TMEM117: variants seen among roughly 807,000 people sequenced by gnomAD.
The protein encoded by TMEM117 is transmembrane protein 117.
In TMEM117, 27 loss-of-function variants were observed where a neutral mutation model predicts 52.4. The ratio of observed to expected loss-of-function variants is 0.51; its 90% CI spans 0.38 to 0.71. The LOEUF is 0.71. Among genes scored for constraint, TMEM117 ranks in the 30% least tolerant of loss-of-function variants. The probability of loss-of-function intolerance (pLI) is 0.00; values close to 1 mark genes in which losing one functional copy is unlikely to be tolerated. For missense variants in TMEM117, 556 were observed against 630.5 expected (o/e 0.88, Z 1.26); for synonymous variants, 215 against 206.3 (o/e 1.04, Z -0.36).
intron 3 of TMEM117, among the ~76,000 whole-genome samples, chr12:44,078,576 A>G (rs190542181): frequency 4.6e-5 from 7 of 152,282 alleles, no homozygotes; most frequent in Admixed American, 3.3e-4. Context: ...CTTTCAGTAT[A>G]TTCTGTTTTT....
chr12:44,096,968 G>T (rs1390425227), intron 3 of TMEM117, among the ~76,000 whole-genome samples: 3 of 151,916 alleles, frequency 2.0e-5, no homozygotes, highest in Non-Finnish European at 4.4e-5. Context: ...CTACTCATCT[G>T]ACAAAGGGCT....
chr12:44,150,450 A>G lies in TMEM117; in HGVS notation c.510+6826A>G, dbSNP rs117799886. On this transcript the variant is annotated intron_variant, in intron 4 of 7. Transcript: ENST00000266534. ...AGTAGGTCAAGAGGTTGCGAGTGGG[A>G]CACCAACATGGACCATCGCACAGAC... 3.0e-3 allele frequency among the ~76,000 whole-genome samples: 456 copies of G among 152,270 alleles called. 6 individuals carry two copies. Among genetic ancestry groups the G allele is most frequent in the East Asian group, 0.019 (98 of 5,176 alleles).
intron 3 of TMEM117, among the ~76,000 whole-genome samples, chr12:44,024,736 TTAACA>T (rs1397579971): frequency 6.6e-6 from 1 of 152,104 alleles, no homozygotes; most frequent in South Asian, 2.1e-4. Context: ...TTAGATTTTC[TTAACA>T]TAAGGAAAAA....
intron 3 of TMEM117, among the ~76,000 whole-genome samples, chr12:44,136,573 T>C (rs1490839140): frequency 6.6e-6 from 1 of 152,120 alleles, no homozygotes; most frequent in Non-Finnish European, 1.5e-5. Context: ...GTTTCCTTTT[T>C]TTCATATGGA....
intron 3 of TMEM117, among the ~76,000 whole-genome samples, chr12:44,099,470 A>T (rs1282658233): frequency 6.6e-6 from 1 of 152,070 alleles, no homozygotes; most frequent in South Asian, 2.1e-4. Context: ...TGGAAGTTTA[A>T]TTATTTACAT....
intron 5 of TMEM117, among the ~76,000 whole-genome samples, chr12:44,293,890 A>G (rs975147041): frequency 3.9e-4 from 60 of 152,266 alleles, no homozygotes; most frequent in Non-Finnish European, 6.9e-4. Flanking sequence ...TTTACTAGGG[A>G]ATCTTATACA....
chr12:44,285,707 G>A (rs1379892681), intron 5 of TMEM117, among the ~76,000 whole-genome samples: 1 of 152,172 alleles, frequency 6.6e-6, no homozygotes, highest in Non-Finnish European at 1.5e-5. Context: ...AGTGGTGATT[G>A]CTTTTGTTAC....
intron 2 of TMEM117, among the ~76,000 whole-genome samples, chr12:43,857,057 G>A (rs911612512): frequency 2.0e-5 from 3 of 152,150 alleles, no homozygotes; most frequent in Non-Finnish European, 4.4e-5. Context: ...GAAATCCCAA[G>A]GACATGGCCA....
At chr12:44,154,927 C>G (rs1203503493) in intron 4 of TMEM117, among the ~76,000 whole-genome samples, 1 of 151,950 alleles carries the variant, frequency 6.6e-6, no homozygotes, top group Admixed American at 6.6e-5. Context: ...TTGACTATTT[C>G]TTGGACCATA....
chr12:43,811,208 T>C, the TMEM117 span, among the ~76,000 whole-genome samples: 3 of 152,230 alleles, frequency 2.0e-5, no homozygotes, highest in South Asian at 6.2e-4. Flanking sequence ...AATTGTTGGG[T>C]GAGTCTTCTT....
chr12:44,295,620 G>A (rs907240870), intron 5 of TMEM117, among the ~76,000 whole-genome samples: 46 of 150,574 alleles, frequency 3.1e-4, no homozygotes, highest in Non-Finnish European at 1.0e-4. Context: ...ATATGATATT[G>A]TAGCTCTCTT....
chr12:43,865,712 GA>G (rs55929506), intron 2 of TMEM117, among the ~76,000 whole-genome samples: 112 of 132,726 alleles, frequency 8.4e-4, no homozygotes, highest in South Asian at 2.8e-3. Context: ...AAGAAAAAAA[GA>G]AAAAAAAAAA....
At chr12:43,882,999 T>G (rs1943925297) in intron 2 of TMEM117, among the ~76,000 whole-genome samples, 1 of 152,246 alleles carries the variant, frequency 6.6e-6, no homozygotes, top group Non-Finnish European at 1.5e-5. Context: ...CATTCTGATT[T>G]GGAGTGCTTT....
At chr12:44,318,041 G>A (rs1951081044) in intron 6 of TMEM117, among the ~76,000 whole-genome samples, 1 of 152,168 alleles carries the variant, frequency 6.6e-6, no homozygotes, top group South Asian at 2.1e-4. Context: ...CATGGGGAGG[G>A]GTGACGGCCC....
chr12:43,958,899 C>T lies in TMEM117; in HGVS notation c.410+14557C>T, dbSNP rs969735519. The stretch of plus-strand genomic sequence containing the variant: ...TCGGCTCACTGCAAGCTCCGCCTCC[C>T]GGGTTCACGCCATTCTCCTGCCTCA... On this transcript the variant is annotated intron_variant, in intron 3 of 7. Transcript: ENST00000266534. Among the ~76,000 whole-genome samples, 9 of 152,208 alleles carry T rather than the reference C, an allele frequency of 5.9e-5. No homozygotes were observed. In the South Asian group the frequency reaches 1.2e-3, roughly 21 times the overall value.
chr12:44,335,277 A>G (rs1388947205), intron 6 of TMEM117, among the ~76,000 whole-genome samples: 2 of 152,112 alleles, frequency 1.3e-5, no homozygotes, highest in African/African-American at 2.4e-5. Context: ...AGCTTTTAGC[A>G]TGAAACTAAC....
chr12:43,893,438 G>A (rs1002181748), intron 2 of TMEM117, among the ~76,000 whole-genome samples: 2 of 152,104 alleles, frequency 1.3e-5, no homozygotes, highest in African/African-American at 4.8e-5. Flanking sequence ...TACCTTCAAG[G>A]CATTTTTTGA....
intron 5 of TMEM117, among the ~76,000 whole-genome samples, chr12:44,291,386 T>TTGTTTGTTTG (rs1950703256): frequency 1.4e-5 from 2 of 138,526 alleles, no homozygotes; most frequent in South Asian, 2.2e-4. Flanking sequence ...TTTTTTTTTT[T>TTGTTTGTTTG]TTTTTTTTTT....
At chr12:43,908,607 A>T (rs1415277754) in intron 2 of TMEM117, among the ~76,000 whole-genome samples, 1 of 151,866 alleles carries the variant, frequency 6.6e-6, no homozygotes, top group Non-Finnish European at 1.5e-5. Context: ...AACCCATCTC[A>T]CGGGCAGAGA....
Sources: gnomAD v4.1 joint callset for allele counts (sites outside exome capture counted in the v4.1 genomes callset) on GRCh38, gnomAD v4.1.1 for gene constraint, MANE v1.5 for transcripts, NCBI Gene and HGNC (gene_info 2026-07-23, HGNC 2026-07-21) for gene names.